PCLO: variants seen among roughly 807,000 people sequenced by gnomAD.
PCLO encodes piccolo presynaptic cytomatrix protein.
In PCLO, 82 loss-of-function variants were observed where a neutral mutation model predicts 427.5. That is an observed-to-expected ratio of 0.19 (90% CI 0.16 to 0.23). The LOEUF (loss-of-function observed/expected upper bound fraction) is 0.23. PCLO is among the 10% of genes least tolerant of loss of function. The pLI is 1.00. For synonymous variants in PCLO, 2,357 were observed against 2,155.4 expected, an observed-to-expected ratio of 1.09 and a Z score of -2.59; for missense variants, 6,239 against 6,115.9, an observed-to-expected ratio of 1.02 and a Z score of -0.67.
At chr7:82,788,316 A>T (rs900971629) in intron 22 of PCLO, among the ~76,000 whole-genome samples, 50 of 148,928 alleles carry the variant, frequency 3.4e-4, no homozygotes, top group African/African-American at 1.2e-3. Flanking sequence ...AAACTTAATA[A>T]TCTGATTTAA....
rs186621673 is a variant in PCLO at position 82,765,132 on chromosome 7, T to C, written c.15008-3639A>G. 1.3e-3 allele frequency among the ~76,000 whole-genome samples: 202 copies of C among 151,856 alleles called. 1 individual carries two copies. The Middle Eastern group carries it at 0.039, about 29-fold the overall frequency. On this transcript the variant is annotated intron_variant, in intron 22 of 24. Transcript: ENST00000333891. Reference sequence around the variant, plus strand: ...CAACTTTTGGGTGAATGGAAAAATATATGAAAAAATACAGAAGTTCTGAAA... The same window carrying C: ...CAACTTTTGGGTGAATGGAAAAATACATGAAAAAATACAGAAGTTCTGAAA...
At position 82,801,733 on chromosome 7, in the gene PCLO, G is replaced by T. The variant is rs900514924; in HGVS notation, c.14934-142C>A. On this transcript the variant is annotated intron_variant, in intron 21 of 24. Transcript: ENST00000333891. Reference sequence around the variant, plus strand: ...TGCACAACCGAATATTTTTGGACTTGCAATAATTATTTGAATGGCACATAC... The same window carrying T: ...TGCACAACCGAATATTTTTGGACTTTCAATAATTATTTGAATGGCACATAC... 5.1e-6 allele frequency: 3 copies of T among 593,156 alleles called. No homozygotes were observed. In the African/African-American group the frequency reaches 5.6e-5, roughly 11 times the overall value. 36.7% of individuals were successfully genotyped at this position (593,156 alleles called of 1,614,324 possible).
intron 3 of PCLO, among the ~76,000 whole-genome samples, chr7:83,024,457 G>C (rs954914970): frequency 6.6e-6 from 1 of 152,148 alleles, no homozygotes; most frequent in African/African-American, 2.4e-5. Flanking sequence ...AGGGTCCTAC[G>C]CCCACGGAGT....
At chr7:83,087,528 C>T (rs1182582612) in intron 3 of PCLO, among the ~76,000 whole-genome samples, 1 of 151,744 alleles carries the variant, frequency 6.6e-6, no homozygotes. Context: ...CAATTATGTT[C>T]CTAATGAATA....
chr7:82,952,644 G>A lies in PCLO; in HGVS notation c.8309C>T (p.Ala2770Val). 6.2e-7 allele frequency: 1 copy of A among 1,613,898 alleles called. No homozygotes were observed. Among genetic ancestry groups the A allele is most frequent in the Non-Finnish European group, 8.5e-7 (1 of 1,179,792 alleles). Residue 2770 changes from alanine (A) to valine (V), a missense_variant, in exon 5 of 25, where the codon GCT becomes GTT. Around this residue, in one of 5 missense-constraint regions of PCLO, gnomAD observed 4,677 missense variants for 4,468.4 expected, o/e 1.05. Coordinates refer to ENST00000333891, the MANE Select transcript of PCLO (RefSeq NM_033026.6). The part of the protein sequence containing the change: ...ANEVYGKQIS[A>V]VQPSIINLSV... ...AAGATTTATAATAGAGGGTTGGACA[G>A]CACTAATTTGTTTCCCATAAACTTC...
chr7:82,855,102 T>C (rs1023495275), intron 10 of PCLO, among the ~76,000 whole-genome samples: 5 of 152,118 alleles, frequency 3.3e-5, no homozygotes, highest in Non-Finnish European at 7.4e-5. Context: ...AAAAGTATAA[T>C]TGTAAAATAA....
intron 1 of PCLO, among the ~76,000 whole-genome samples, chr7:83,161,454 A>C (rs1356380622): frequency 6.6e-6 from 1 of 152,160 alleles, no homozygotes; most frequent in East Asian, 1.9e-4. Context: ...CAATGATTAT[A>C]CCCCTCTCAG....
intron 3 of PCLO, among the ~76,000 whole-genome samples, chr7:83,116,494 T>G (rs544464821): frequency 6.6e-6 from 1 of 152,276 alleles, no homozygotes; most frequent in Admixed American, 6.5e-5. Context: ...CTTTTTAAAT[T>G]TTTTTACTGA....
chr7:82,892,439 AAG>A (rs1400686187), intron 9 of PCLO, among the ~76,000 whole-genome samples: 1 of 152,194 alleles, frequency 6.6e-6, no homozygotes, highest in Non-Finnish European at 1.5e-5. Flanking sequence ...AGATGGATTA[AAG>A]ACGTGCATGT....
In PCLO at chr7:82,805,800, T is replaced by G. The variant is rs1227382789; in HGVS notation, c.14821A>C (p.Ser4941Arg). The G allele has an allele frequency of 2.5e-6, 4 of 1,606,842 alleles. No homozygotes were observed. Among genetic ancestry groups the G allele is most frequent in the Non-Finnish European group, 3.4e-6 (4 of 1,176,530 alleles). The change falls in exon 21 of 25, where the codon AGC becomes CGC. Residue 4941 changes from serine to arginine, a missense_variant. Ser to Arg is a moderately radical substitution (Grantham distance 110). This residue lies in a region of PCLO where 877 missense variants were observed against 925.5 expected (regional missense o/e 0.95). Transcript: ENST00000333891. ...CCCGAGGAGCCGGTGGACACAGAGC[T>G]TTCTGCAGGCCGGTGATTGGGAGGC... ...TKPPNHRPAE[S>R]SVSTGSSGSS...
chr7:83,139,063 A>C (rs979195019), intron 2 of PCLO, among the ~76,000 whole-genome samples: 1 of 152,206 alleles, frequency 6.6e-6, no homozygotes, highest in Admixed American at 6.5e-5. Context: ...TAATAGCGGA[A>C]AATATAGATG....
chr7:83,058,176 T>C (rs932191233), intron 3 of PCLO, among the ~76,000 whole-genome samples: 2 of 152,208 alleles, frequency 1.3e-5, no homozygotes, highest in African/African-American at 4.8e-5. Context: ...AGTTCATTAT[T>C]TGGAATAATA....
chr7:82,773,846 C>T (rs1413547059), intron 22 of PCLO, among the ~76,000 whole-genome samples: 1 of 152,034 alleles, frequency 6.6e-6, no homozygotes, highest in Non-Finnish European at 1.5e-5. Context: ...TCCAGGGTTT[C>T]AGTAATAATT....
chr7:82,925,112 T>TA (rs1251534125), intron 6 of PCLO, among the ~76,000 whole-genome samples: 1 of 152,136 alleles, frequency 6.6e-6, no homozygotes, highest in Non-Finnish European at 1.5e-5. Context: ...GAGTAATACT[T>TA]ATACATACTA....
intron 6 of PCLO, among the ~76,000 whole-genome samples, chr7:82,923,559 T>C (rs911974845): frequency 6.6e-6 from 1 of 152,100 alleles, no homozygotes; most frequent in Non-Finnish European, 1.5e-5. Context: ...CTGACAATGA[T>C]TTCTAATGCA....
chr7:83,047,913 T>C (rs1789141829), intron 3 of PCLO, among the ~76,000 whole-genome samples: 1 of 151,824 alleles, frequency 6.6e-6, no homozygotes, highest in African/African-American at 2.4e-5. Flanking sequence ...CACACCCACC[T>C]CAAGGATACA....
At chr7:83,104,742 T>C (rs2116499247) in intron 3 of PCLO, among the ~76,000 whole-genome samples, 1 of 152,206 alleles carries the variant, frequency 6.6e-6, no homozygotes, top group South Asian at 2.1e-4. Flanking sequence ...CTCCTTAAAG[T>C]TTCATTAAAT....
At chr7:82,821,315 T>C (rs1791785802) in intron 20 of PCLO, 2 of 986,062 alleles carry the variant, frequency 2.0e-6, no homozygotes, top group African/African-American at 1.7e-5. Context: ...GTGGGTGAAA[T>C]GGAAACCCAG....
intron 13 of PCLO, among the ~76,000 whole-genome samples, chr7:82,842,891 A>G (rs559265675): frequency 2.6e-5 from 4 of 152,272 alleles, no homozygotes; most frequent in Non-Finnish European, 5.9e-5. Flanking sequence ...GTTATCCAAA[A>G]GAAAAAAGAT....
Sources: gnomAD v4.1 joint callset for allele counts (sites outside exome capture counted in the v4.1 genomes callset) on GRCh38, gnomAD v4.1.1 for gene constraint, gnomAD v4.1.1 regional missense constraint, MANE v1.5 for transcripts, NCBI Gene and HGNC (gene_info 2026-07-23, HGNC 2026-07-21) for gene names.